The following AUTS2 variants were observed in gnomAD, a reference collection of about 807,000 sequenced individuals.
AUTS2 encodes autism susceptibility gene 2 protein.
A neutral mutation model predicts 112.4 loss-of-function variants in AUTS2; 17 were observed. The observed-to-expected ratio is 0.15, with a 90% CI of 0.10 to 0.23. The LOEUF (loss-of-function observed/expected upper bound fraction) is 0.23, where lower values mean the gene tolerates loss of function less well. Among genes scored for constraint, AUTS2 ranks in the 10% least tolerant of loss-of-function variants. The pLI, the probability that AUTS2 is intolerant of heterozygous loss-of-function variation, is 1.00. For missense variants in AUTS2, 1,510 were observed against 1,701.6 expected, an observed-to-expected ratio of 0.89 and a Z score of 1.98; for synonymous variants, 751 against 702.7, an observed-to-expected ratio of 1.07 and a Z score of -1.09.
chr7:70,641,069 T>C (rs1403622797), intron 5 of AUTS2, among the ~76,000 whole-genome samples: 2 of 152,170 alleles, frequency 1.3e-5, no homozygotes, highest in African/African-American at 2.4e-5. Flanking sequence ...GCCACACTAG[T>C]CCACCCGGCT....
At position 70,558,526 on chromosome 7, in the gene AUTS2, G is replaced by C. The variant is rs562312137; in HGVS notation, c.690+122745G>C. Among the ~76,000 whole-genome samples, 51 of 152,262 alleles carry C rather than the reference G, an allele frequency of 3.3e-4. 2 individuals are homozygous for C. The South Asian group carries it at 1.0e-2, about 30-fold the overall frequency. On this transcript the variant is annotated intron_variant, in intron 5 of 18. Coordinates refer to ENST00000342771, the MANE Select transcript of AUTS2 (RefSeq NM_015570.4). ...TGAAGGTGGCCTGTTATCAAGAGAAGATGAAATAAAGCTCGAGGTAACCAA... is the reference window on the plus strand; with the variant it reads ...TGAAGGTGGCCTGTTATCAAGAGAACATGAAATAAAGCTCGAGGTAACCAA...
chr7:70,314,377 C>G (rs1789899758), intron 4 of AUTS2, among the ~76,000 whole-genome samples: 1 of 152,220 alleles, frequency 6.6e-6, no homozygotes, highest in African/African-American at 2.4e-5. Context: ...AATTATAATG[C>G]AGCCCTGTTA....
intron 2 of AUTS2, among the ~76,000 whole-genome samples, chr7:69,978,196 T>A (rs1798137645): frequency 6.6e-6 from 1 of 152,196 alleles, no homozygotes; most frequent in Non-Finnish European, 1.5e-5. Flanking sequence ...CCAGTTTAAG[T>A]TTACCTTGCT....
chr7:69,887,516 C>A (rs1584395353), intron 1 of AUTS2, among the ~76,000 whole-genome samples: 1 of 151,654 alleles, frequency 6.6e-6, no homozygotes, highest in South Asian at 2.1e-4. Flanking sequence ...TTACACTTAT[C>A]ACTTACGGTA....
intron 5 of AUTS2, among the ~76,000 whole-genome samples, chr7:70,514,433 C>G (rs535068633): frequency 6.6e-6 from 1 of 152,200 alleles, no homozygotes; most frequent in Non-Finnish European, 1.5e-5. Context: ...AGCTTCCAAT[C>G]ATGGAAGAAA....
chr7:70,536,326 G>T (rs1287550902), intron 5 of AUTS2, among the ~76,000 whole-genome samples: 1 of 152,016 alleles, frequency 6.6e-6, no homozygotes, highest in Admixed American at 6.6e-5. Flanking sequence ...GAGTCAAAGG[G>T]CATCATTACA....
At chr7:69,823,820 G>A (rs1791113932) in intron 1 of AUTS2, among the ~76,000 whole-genome samples, 1 of 152,150 alleles carries the variant, frequency 6.6e-6, no homozygotes, top group Non-Finnish European at 1.5e-5. Flanking sequence ...CAGGGAAAAT[G>A]TAAACGTTTC....
At chr7:70,262,114 G>T (rs1787197204) in intron 4 of AUTS2, among the ~76,000 whole-genome samples, 2 of 152,108 alleles carry the variant, frequency 1.3e-5, no homozygotes, top group East Asian at 1.9e-4. Context: ...TTAAAAGCAG[G>T]TATTAGCATT....
chr7:69,807,870 C>T (rs1790374506), intron 1 of AUTS2, among the ~76,000 whole-genome samples: 1 of 151,838 alleles, frequency 6.6e-6, no homozygotes, highest in Non-Finnish European at 1.5e-5. Flanking sequence ...TCACTTCTGC[C>T]ACATTCTGTT....
intron 1 of AUTS2, among the ~76,000 whole-genome samples, chr7:69,785,766 G>C (rs1789343271): frequency 6.6e-6 from 1 of 152,172 alleles, no homozygotes; most frequent in Admixed American, 6.5e-5. Flanking sequence ...TGGGCTCTTT[G>C]CTATAGGATC....
chr7:70,001,812 G>A (rs1799210946), intron 2 of AUTS2, among the ~76,000 whole-genome samples: 2 of 150,950 alleles, frequency 1.3e-5, no homozygotes, highest in South Asian at 4.2e-4. Context: ...CCAGGCTGAA[G>A]TGATTCTCCT....
chr7:70,491,544 A>G (rs997425591), intron 5 of AUTS2, among the ~76,000 whole-genome samples: 30 of 147,544 alleles, frequency 2.0e-4, no homozygotes, highest in Non-Finnish European at 3.3e-4. Context: ...ATATACACAT[A>G]TATGTTATAT....
chr7:69,647,236 T>C (rs1795065954), intron 1 of AUTS2, among the ~76,000 whole-genome samples: 2 of 152,212 alleles, frequency 1.3e-5, no homozygotes, highest in African/African-American at 4.8e-5. Context: ...ACTCAATTTT[T>C]TTCTTATCTC....
chr7:70,168,690 G>A (rs1260731763), intron 4 of AUTS2, among the ~76,000 whole-genome samples: 1 of 152,174 alleles, frequency 6.6e-6, no homozygotes, highest in African/African-American at 2.4e-5. Flanking sequence ...AGCAGTAAGA[G>A]TATGAATTCT....
chr7:70,466,090 G>A (rs1291181949), intron 5 of AUTS2, among the ~76,000 whole-genome samples: 1 of 152,136 alleles, frequency 6.6e-6, no homozygotes, highest in Non-Finnish European at 1.5e-5. Context: ...AATGACACTA[G>A]TGTCAGACTC....
intron 5 of AUTS2, among the ~76,000 whole-genome samples, chr7:70,682,331 GT>G (rs1421657733): frequency 3.3e-5 from 5 of 152,168 alleles, no homozygotes; most frequent in African/African-American, 4.8e-5. Context: ...AGACTTTTTA[GT>G]TGTACAAACA....
In AUTS2 at chr7:70,341,032, G is replaced by A. The variant is rs192210562; in HGVS notation, c.661-94720G>A. Among the ~76,000 whole-genome samples the A allele has an allele frequency of 2.8e-3, 431 of 152,252 alleles. 2 individuals are homozygous for A. Among genetic ancestry groups the A allele is most frequent in the Middle Eastern group, 0.01 (3 of 294 alleles). ...AAAACAGCCCTCATTCTAATAGTAA[G>A]GCTGTTTTCCTCTTTTCCAATGTTT... On this transcript the variant is annotated intron_variant, in intron 4 of 18. Coordinates refer to ENST00000342771, the MANE Select transcript of AUTS2 (RefSeq NM_015570.4).
chr7:69,712,353 G>A (rs1463026246), intron 1 of AUTS2, among the ~76,000 whole-genome samples: 2 of 152,020 alleles, frequency 1.3e-5, no homozygotes, highest in Admixed American at 6.6e-5. Flanking sequence ...GTTTCTTCAC[G>A]CTCCTTTGGA....
chr7:70,181,235 A>G (rs967542364), intron 4 of AUTS2, among the ~76,000 whole-genome samples: 1 of 152,198 alleles, frequency 6.6e-6, no homozygotes, highest in Non-Finnish European at 1.5e-5. Flanking sequence ...ATTACGAACA[A>G]TGTTTCTGTG....
Sources: allele counts gnomAD v4.1 joint callset (sites outside exome capture counted in the v4.1 genomes callset), GRCh38; gene constraint gnomAD v4.1.1; transcripts MANE v1.5; gene names NCBI Gene and HGNC (gene_info 2026-07-23, HGNC 2026-07-21).